NACC2: variants seen among roughly 807,000 people sequenced by gnomAD.
The protein encoded by NACC2 is NACC family member 2.
NACC2 carries 8 observed loss-of-function variants against 25.1 expected under a neutral mutation model. The ratio of observed to expected loss-of-function variants is 0.32; its 90% CI spans 0.19 to 0.57. The LOEUF (loss-of-function observed/expected upper bound fraction) is 0.57, where lower values mean the gene tolerates loss of function less well. NACC2 is among the 20% of genes least tolerant of loss of function. NACC2 has a pLI of 0.89. For missense variants in NACC2, 644 were observed against 650.2 expected (o/e 0.99, Z 0.10); for synonymous variants, 435 against 294.7 (o/e 1.48, Z -4.88).
chr9:136,021,029 T>C (rs550093775), intron 2 of NACC2, among the ~76,000 whole-genome samples: 115 of 152,252 alleles, frequency 7.6e-4, no homozygotes, highest in African/African-American at 2.5e-3. Context: ...ATGGAAATGA[T>C]TGACGAGCTA....
Position 136,013,302 on chromosome 9 carries a change from G to A in NACC2, c.1158-6C>T. On this transcript the variant is annotated splice_polypyrimidine_tract_variant and splice_region_variant and intron_variant, in intron 4 of 5. Transcript: ENST00000277554. This position sits in a 1 kb window ranked among gnomAD's most constrained non-coding sequence, Gnocchi z 6.6. ...AGCTGTTGGCCAGCGTGTTCCTGGTGGAGGGACCGGAAAGGCAGGCAGGGT... is the reference window on the plus strand; with the variant it reads ...AGCTGTTGGCCAGCGTGTTCCTGGTAGAGGGACCGGAAAGGCAGGCAGGGT... The A allele has an allele frequency of 1.2e-6, 2 of 1,610,446 alleles. No individual in the cohort carries two copies. The highest frequency in any genetic ancestry group is 2.2e-5 in the South Asian group (2 of 90,944).
At chr9:136,058,379 AT>A (rs60463941) in intron 1 of NACC2, among the ~76,000 whole-genome samples, 62,171 of 152,178 alleles carry the variant, frequency 0.41, 13,526 homozygotes, top group Non-Finnish European at 0.48. Flanking sequence ...GGGACCCGGG[AT>A]TCCCATCCTC....
chr9:136,047,781 G>T (rs1304467068), intron 2 of NACC2, among the ~76,000 whole-genome samples: 1 of 152,192 alleles, frequency 6.6e-6, no homozygotes, highest in Non-Finnish European at 1.5e-5. Context: ...ATCAAGGCAG[G>T]TGGGCGTGAG....
chr9:136,072,337 G>A (rs561470286), intron 1 of NACC2, among the ~76,000 whole-genome samples: 1 of 152,294 alleles, frequency 6.6e-6, no homozygotes, highest in South Asian at 2.1e-4. Flanking sequence ...CTTGAGGCCA[G>A]GAGTTTGAGA....
intron 1 of NACC2, among the ~76,000 whole-genome samples, chr9:136,081,161 T>G (rs1276076698): frequency 1.3e-5 from 2 of 151,896 alleles, no homozygotes; most frequent in Non-Finnish European, 2.9e-5. Context: ...AAACGGACCC[T>G]CAGTGGCCAC....
chr9:136,094,955 A>AC (rs960346807), intron 1 of NACC2, among the ~76,000 whole-genome samples: 140 of 144,846 alleles, frequency 9.7e-4, no homozygotes, highest in African/African-American at 3.1e-3. Context: ...CTCCGCCGGG[A>AC]CCCCCCGGCC....
intron 1 of NACC2, among the ~76,000 whole-genome samples, chr9:136,056,430 C>T (rs1021536928): frequency 6.6e-6 from 1 of 152,200 alleles, no homozygotes. Flanking sequence ...GAAACTGAGA[C>T]CTCACAGTCG....
At position 136,030,235 on chromosome 9, in the gene NACC2, T is replaced by C. The variant is rs531224189; in HGVS notation, c.887-13806A>G. 9.9e-5 allele frequency among the ~76,000 whole-genome samples: 15 copies of C among 152,188 alleles called. No individual in the cohort carries two copies. In the Middle Eastern group the frequency reaches 0.01, roughly 104 times the overall value. On this transcript the variant is annotated intron_variant, in intron 2 of 5. Coordinates refer to ENST00000277554, the MANE Select transcript of NACC2 (RefSeq NM_144653.5). ...TACACCCCATCCTTAGTTTGCAGGC[T>C]GTACAAAAACAGGACACGGGACAGA...
chr9:136,028,578 G>A (rs1315182974), intron 2 of NACC2, among the ~76,000 whole-genome samples: 3 of 152,160 alleles, frequency 2.0e-5, no homozygotes, highest in Non-Finnish European at 2.9e-5. Flanking sequence ...TGTAGTGGGT[G>A]AGGCGTGGCC....
intron 1 of NACC2, among the ~76,000 whole-genome samples, chr9:136,079,478 G>A (rs1564242028): frequency 6.6e-6 from 1 of 152,200 alleles, no homozygotes; most frequent in East Asian, 1.9e-4. Context: ...GGCTGTACAG[G>A]CTGGACGCCA....
At chr9:136,033,894 GGTGTGTGTGTGTGTGTGTGTGT>G (rs57460855) in intron 2 of NACC2, among the ~76,000 whole-genome samples, 1 of 136,952 alleles carries the variant, frequency 7.3e-6, no homozygotes, top group Non-Finnish European at 1.6e-5. Flanking sequence ...AATTCCAGCA[GGTGTGTGTGTGTGTGTGTGTGT>G]GTGTGTGTGT....
At position 136,024,742 on chromosome 9, in the gene NACC2, C is replaced by A. The variant is rs549795465; in HGVS notation, c.887-8313G>T. On this transcript the variant is annotated intron_variant, in intron 2 of 5. Transcript: ENST00000277554. ...TCCCACTGTGGATATGAGGGAGCAGCCAATATTAGACTAACTCCCTCATCA... is the reference window on the plus strand; with the variant it reads ...TCCCACTGTGGATATGAGGGAGCAGACAATATTAGACTAACTCCCTCATCA... Among the ~76,000 whole-genome samples, 41 of 152,244 alleles carry A rather than the reference C, an allele frequency of 2.7e-4. 1 individual carries two copies. The highest frequency in any genetic ancestry group is 9.9e-4 in the African/African-American group (41 of 41,534).
chr9:136,044,678 G>A (rs1840693371), intron 2 of NACC2, among the ~76,000 whole-genome samples: 2 of 152,232 alleles, frequency 1.3e-5, no homozygotes, highest in African/African-American at 4.8e-5. Flanking sequence ...CCCAAGTTCA[G>A]CCCCTCTTCT....
chr9:136,039,068 T>C (rs560065520), intron 2 of NACC2, among the ~76,000 whole-genome samples: 1 of 152,286 alleles, frequency 6.6e-6, no homozygotes, highest in African/African-American at 2.4e-5. Context: ...ATCCCAACCA[T>C]ATGCCGTCTC....
intron 2 of NACC2, among the ~76,000 whole-genome samples, chr9:136,027,005 G>C (rs529466198): frequency 6.6e-6 from 1 of 152,296 alleles, no homozygotes; most frequent in East Asian, 1.9e-4. Flanking sequence ...GAAGCAGGGG[G>C]ATCACCCAAG....
At position 136,009,203 on chromosome 9, in the gene NACC2, C is replaced by T. The variant is rs12376616; in HGVS notation, c.*2313G>A. On this transcript the variant is annotated 3_prime_UTR_variant, in exon 6 of 6. Coordinates refer to ENST00000277554, the MANE Select transcript of NACC2 (RefSeq NM_144653.5). ...GATGAAGGAAACTCCAGAGGGAACT[C>T]AAGTGCAGCTCAACCTCACCTACCT... 0.28 allele frequency: 42,036 copies of T among 152,210 alleles called. 5,974 individuals are homozygous for T. The highest frequency in any genetic ancestry group is 0.31 in the Middle Eastern group (90 of 294). 9.4% of individuals were successfully genotyped at this position (152,210 alleles called of 1,614,324 possible).
intron 1 of NACC2, among the ~76,000 whole-genome samples, chr9:136,081,454 C>G (rs1436167479): frequency 6.6e-6 from 1 of 152,262 alleles, no homozygotes; most frequent in African/African-American, 2.4e-5. Flanking sequence ...GACCTGCTCT[C>G]TGAGCGCGGG....
At chr9:136,063,219 C>T (rs1440486787) in intron 1 of NACC2, among the ~76,000 whole-genome samples, 2 of 152,194 alleles carry the variant, frequency 1.3e-5, no homozygotes, top group African/African-American at 4.8e-5. Context: ...CTCCCGGGAC[C>T]CCTGGGCTGG....
rs749493803 is a variant in NACC2 at position 136,013,883 on chromosome 9, G to A, written c.1138C>T (p.Leu380=). 1.2e-6 allele frequency: 2 copies of A among 1,612,846 alleles called. No individual in the cohort carries two copies. Among genetic ancestry groups the A allele is most frequent in the Non-Finnish European group, 1.7e-6 (2 of 1,179,948 alleles). ...VKHKVLLRRL[L]ATFFDRNTLA... ...ACCTACCTGTCAAAGAAGGTGGCCA[G>A]GAGCCTCCGCAGCAAGACCTTATGC... The change falls in exon 4 of 6, where the codon CTG becomes TTG. Residue 380 remains leucine (L), a synonymous_variant. Coordinates refer to ENST00000277554, the MANE Select transcript of NACC2 (RefSeq NM_144653.5). The surrounding 1 kb of genome is among the most constrained non-coding windows in gnomAD (Gnocchi z 6.6).
Sources: gnomAD v4.1 joint callset for allele counts (sites outside exome capture counted in the v4.1 genomes callset) on GRCh38, gnomAD v4.1.1 for gene constraint, Gnocchi (gnomAD v3.1) non-coding constraint, MANE v1.5 for transcripts, NCBI Gene and HGNC (gene_info 2026-07-23, HGNC 2026-07-21) for gene names.